Variants in DNHD1 observed in about 807,000 individuals in gnomAD.
DNHD1 encodes dynein heavy chain domain-containing protein 1.
In DNHD1, 383 loss-of-function variants were observed where a neutral mutation model predicts 458.1. The observed-to-expected ratio is 0.84, with a 90% confidence interval of 0.77 to 0.91. DNHD1 has a LOEUF of 0.91. Ranked by LOEUF, DNHD1 falls within the 40% of genes least tolerant of loss-of-function variation. The pLI, the probability that DNHD1 is intolerant of heterozygous loss-of-function variation, is 0.00. For missense variants in DNHD1, 5,336 were observed against 5,866.1 expected (o/e 0.91, Z 2.95); for synonymous variants, 2,203 against 2,376.9 (o/e 0.93, Z 2.13).
chr11:6,544,514 C>A (rs1853164750), intron 19 of DNHD1, 60 bp from the exon 20 acceptor site: 3 of 1,362,918 alleles, frequency 2.2e-6, no homozygotes, highest in Non-Finnish European at 3.1e-6. Context: ...AGGGTGGACT[C>A]CCCTGCAGAA....
chr11:6,547,025 C>G lies in DNHD1; in HGVS notation c.6086C>G (p.Thr2029Ser). The G allele has an allele frequency of 6.4e-7, 1 of 1,551,322 alleles. No individual in the cohort carries two copies. The highest frequency in any genetic ancestry group is 8.7e-7 in the Non-Finnish European group (1 of 1,146,894). ...STQGCQPVEI[T>S]HLYPSGLSPQ... ...CAAGGCTGCCAGCCTGTGGAAATTACCCACCTGTACCCCAGTGGCCTCAGC... is the reference window on the plus strand; with the variant it reads ...CAAGGCTGCCAGCCTGTGGAAATTAGCCACCTGTACCCCAGTGGCCTCAGC... The change falls in exon 21 of 43, where the codon ACC (threonine) becomes AGC (serine). Residue 2029 changes from threonine to serine, a missense_variant. Coordinates refer to ENST00000254579, the MANE Select transcript of DNHD1 (RefSeq NM_144666.3).
chr11:6,529,667 T>C (rs563656685), intron 12 of DNHD1, among the ~76,000 whole-genome samples: 1 of 152,292 alleles, frequency 6.6e-6, no homozygotes, highest in East Asian at 1.9e-4. Flanking sequence ...CTTTCAAATG[T>C]CTTTTCCTCC....
Position 6,565,823 on chromosome 11 carries a change from G to A in DNHD1, c.10885G>A (p.Glu3629Lys). 5 of 1,551,704 alleles carry A rather than the reference G, an allele frequency of 3.2e-6. No individual in the cohort carries two copies. The highest frequency in any genetic ancestry group is 1.2e-5 in the South Asian group (1 of 84,054). Residue 3629 changes from glutamate (E) to lysine (K), a missense_variant, in exon 33 of 43, where the codon GAG becomes AAG. By Grantham distance (56) the Glu-to-Lys change is moderately conservative (BLOSUM62 1). Transcript: ENST00000254579. ...KEQKAEERKN[E>K]QEKEQEENEE... ...GCAGAAGGCAGAGGAAAGAAAAAAT[G>A]AGCAGGAGAAAGAGCAAGAGGAAAA...
At chr11:6,564,306 A>T in intron 31 of DNHD1, 27 bp from the exon 32 acceptor site, 1 of 1,512,482 alleles carries the variant, frequency 6.6e-7, no homozygotes, top group Non-Finnish European at 8.9e-7. Flanking sequence ...TGGCCTACAC[A>T]GCCTCTGGTC....
intron 24 of DNHD1, among the ~76,000 whole-genome samples, chr11:6,555,300 C>T (rs747004584): frequency 1.3e-5 from 2 of 152,058 alleles, no homozygotes; most frequent in Non-Finnish European, 2.9e-5. Flanking sequence ...GACTGATCTC[C>T]CGGCTCATTA....
In DNHD1 at chr11:6,538,692, C is replaced by G. The variant is rs1456384197; in HGVS notation, c.3207C>G (p.His1069Gln). Residue 1069 changes from histidine to glutamine, a missense_variant, in exon 16 of 43, where the codon CAC (histidine) becomes CAG (glutamine). Transcript: ENST00000254579. Reference protein sequence around the residue: ...AARMSTTLELHSPVLQHCMRI... With the variant: ...AARMSTTLELQSPVLQHCMRI... ...GGATGAGCACAACCCTGGAGCTGCA[C>G]AGCCCCGTGCTGCAGCACTGCATGC... 1.3e-6 allele frequency: 2 copies of G among 1,550,062 alleles called. No individual in the cohort carries two copies. The highest frequency in any genetic ancestry group is 3.9e-5 in the Admixed American group (2 of 50,918).
intron 4 of DNHD1, 151 bp downstream of exon 4, chr11:6,503,077 TCTC>T: frequency 1.2e-6 from 1 of 805,366 alleles, no homozygotes; most frequent in Admixed American, 3.5e-5. Context: ...TCTCTTCCCT[TCTC>T]CTCAGCCTCC....
At chr11:6,511,573 A>G (rs1220417972) in intron 7 of DNHD1, 144 bp downstream of exon 7, 1 of 1,081,690 alleles carries the variant, frequency 9.2e-7, no homozygotes, top group Non-Finnish European at 1.3e-6. Flanking sequence ...CTGCCCAGCA[A>G]CAGCAGTTTC....
At chr11:6,561,841 A>G (rs1853595059) in intron 28 of DNHD1, among the ~76,000 whole-genome samples, 1 of 152,166 alleles carries the variant, frequency 6.6e-6, no homozygotes, top group Non-Finnish European at 1.5e-5. Context: ...TGTGTGCCAC[A>G]TTGGAGGAAC....
intron 12 of DNHD1, among the ~76,000 whole-genome samples, chr11:6,531,888 T>A (rs1261341595): frequency 1.3e-5 from 2 of 152,330 alleles, no homozygotes; most frequent in Non-Finnish European, 2.9e-5. Flanking sequence ...CATATATTTT[T>A]ATGTTTACAT....
intron 25 of DNHD1, 54 bp downstream of exon 25, chr11:6,558,351 C>A: frequency 6.5e-7 from 1 of 1,532,506 alleles, no homozygotes. Context: ...CTGTCTTGGC[C>A]AAAAGGCCAA....
At chr11:6,561,034 G>A (rs1036562459) in intron 28 of DNHD1, among the ~76,000 whole-genome samples, 10 of 152,112 alleles carry the variant, frequency 6.6e-5, no homozygotes, top group Admixed American at 5.9e-4. Context: ...GAAAGGTTAG[G>A]GAGACTTCCC....
intron 24 of DNHD1, among the ~76,000 whole-genome samples, chr11:6,554,840 G>T (rs754674913): frequency 3.3e-5 from 5 of 152,182 alleles, no homozygotes; most frequent in Non-Finnish European, 5.9e-5. Context: ...AAAAATATAT[G>T]CCAGTTTCTT....
At position 6,546,127 on chromosome 11, in the gene DNHD1, C is replaced by A. The variant is rs938752372; in HGVS notation, c.5188C>A (p.Leu1730Met). Residue 1730 changes from leucine to methionine, a missense_variant, in exon 21 of 43, where the codon CTG becomes ATG. By Grantham distance (15) the Leu-to-Met change is conservative (BLOSUM62 2). Around this residue, in one of 4 missense-constraint regions of DNHD1, gnomAD observed 3,932 missense variants for 4,365.6 expected, o/e 0.90. Coordinates refer to ENST00000254579, the MANE Select transcript of DNHD1 (RefSeq NM_144666.3). ...CCTGAGCAACTATCTGAATGGTGCC[C>A]TGCAGGGTGGTGCCTGGCTGCTGTT... ...QCLSNYLNGA[L>M]QGGAWLLLEK... The A allele has an allele frequency of 1.2e-5, 18 of 1,551,352 alleles. No homozygotes were observed. Among genetic ancestry groups the A allele is most frequent in the Middle Eastern group, 1.7e-4 (1 of 6,014 alleles).
chr11:6,560,753 C>T (rs1853571172), intron 28 of DNHD1, among the ~76,000 whole-genome samples: 1 of 152,234 alleles, frequency 6.6e-6, no homozygotes, highest in Non-Finnish European at 1.5e-5. Flanking sequence ...CAAGAAAAGG[C>T]ATTACCACCC....
At chr11:6,544,743 A>C in intron 20 of DNHD1, 49 bp from the exon 21 acceptor site, 1 of 1,540,140 alleles carries the variant, frequency 6.5e-7, no homozygotes, top group Non-Finnish European at 8.8e-7. Flanking sequence ...GGGAAAGGGG[A>C]GCTGCCACTT....
rs1247211050 is a variant in DNHD1, at chr11:6,498,003, TAGCTCC to T, written c.-211_-206del. The T allele has an allele frequency of 3.1e-6, 2 of 645,782 alleles. No homozygotes were observed. Among genetic ancestry groups the T allele is most frequent in the Non-Finnish European group, 5.4e-6 (2 of 373,696 alleles). 40.0% of individuals were successfully genotyped at this position (645,782 alleles called of 1,614,324 possible). On this transcript the variant is annotated 5_prime_UTR_variant, in exon 3 of 43. The change abolishes the stop of an existing upstream ORF in the 5' untranslated region. Transcript: ENST00000254579. Reference sequence around the variant, plus strand: ...TCTCTGCTGGTCTGGCTCTGCTCTGTAGCTCCATCTATTTCCCTGTCCCAGGTCCTT... The same window carrying T: ...TCTCTGCTGGTCTGGCTCTGCTCTGTATCTATTTCCCTGTCCCAGGTCCTT...
At position 6,509,056 on chromosome 11, in the gene DNHD1, A is replaced by G. The variant is rs1852283886; in HGVS notation, c.1097A>G (p.Tyr366Cys). The part of the protein sequence containing the change: ...QQLQFIPFFK[Y>C]CLLRKSFTCW... ...CTCCAGTTCATTCCATTCTTTAAGTATTGCCTCTTACGCAAGTCCTTTACC... is the reference window on the plus strand; with the variant it reads ...CTCCAGTTCATTCCATTCTTTAAGTGTTGCCTCTTACGCAAGTCCTTTACC... The change falls in exon 5 of 43, where the codon TAT becomes TGT. Residue 366 changes from tyrosine to cysteine, a missense_variant. Around this residue, in one of 4 missense-constraint regions of DNHD1, gnomAD observed 3,932 missense variants for 4,365.6 expected, o/e 0.90. Coordinates refer to ENST00000254579, the MANE Select transcript of DNHD1 (RefSeq NM_144666.3). 3.1e-6 allele frequency: 5 copies of G among 1,614,164 alleles called. No homozygotes were observed. The highest frequency in any genetic ancestry group is 3.4e-6 in the Non-Finnish European group (4 of 1,180,024).
intron 18 of DNHD1, 84 bp from the exon 19 acceptor site, chr11:6,544,037 G>A (rs1322372017): frequency 4.2e-5 from 58 of 1,396,396 alleles, no homozygotes; most frequent in Middle Eastern, 2.0e-4. Context: ...TGCCTCTCCT[G>A]GAAGGTTCCC....
Sources: gnomAD v4.1 joint callset for allele counts (sites outside exome capture counted in the v4.1 genomes callset) on GRCh38, gnomAD v4.1.1 for gene constraint, gnomAD v4.1.1 regional missense constraint, MANE v1.5 for transcripts, NCBI Gene and HGNC (gene_info 2026-07-23, HGNC 2026-07-21) for gene names.